Variants in GALNTL6 observed in about 807,000 individuals in gnomAD.
GALNTL6 encodes the protein polypeptide N-acetylgalactosaminyltransferase like 6.
In GALNTL6, 46 loss-of-function variants were observed where a neutral mutation model predicts 73.7. That is an observed-to-expected ratio of 0.62 (90% CI 0.49 to 0.80). The LOEUF (loss-of-function observed/expected upper bound fraction) is 0.80, where lower values mean the gene tolerates loss of function less well. Ranked by LOEUF, GALNTL6 falls within the 30% of genes least tolerant of loss-of-function variation. GALNTL6 has a pLI of 0.00. For missense variants in GALNTL6, 604 were observed against 755.0 expected (o/e 0.80, Z 2.34); for synonymous variants, 259 against 263.7 (o/e 0.98, Z 0.17).
At chr4:172,996,509 C>A (rs1751792053) in intron 10 of GALNTL6, among the ~76,000 whole-genome samples, 1 of 152,156 alleles carries the variant, frequency 6.6e-6, no homozygotes, top group African/African-American at 2.4e-5. Context: ...ACCTATATGA[C>A]AAACCTGCAC....
At chr4:172,468,769 G>A (rs1732933283) in intron 5 of GALNTL6, among the ~76,000 whole-genome samples, 1 of 152,176 alleles carries the variant, frequency 6.6e-6, no homozygotes, top group Non-Finnish European at 1.5e-5. Flanking sequence ...CATTGAGCGG[G>A]TGGGACTTAA....
At chr4:172,455,328 T>C (rs1732355288) in intron 5 of GALNTL6, among the ~76,000 whole-genome samples, 1 of 152,030 alleles carries the variant, frequency 6.6e-6, no homozygotes, top group South Asian at 2.1e-4. Context: ...TTGTCATACC[T>C]CAGTGGCGCC....
At chr4:172,383,008 T>C (rs781092913) in intron 5 of GALNTL6, among the ~76,000 whole-genome samples, 3 of 152,188 alleles carry the variant, frequency 2.0e-5, no homozygotes, top group Non-Finnish European at 2.9e-5. Context: ...TGTTCTTATG[T>C]AGTACACACT....
chr4:171,878,644 C>G (rs1485702035), intron 2 of GALNTL6, among the ~76,000 whole-genome samples: 2 of 151,922 alleles, frequency 1.3e-5, no homozygotes, highest in East Asian at 1.9e-4. Context: ...GCTTATGTCT[C>G]TAGTTGTTTT....
At chr4:171,905,053 A>G (rs1212512781) in intron 2 of GALNTL6, among the ~76,000 whole-genome samples, 1 of 152,220 alleles carries the variant, frequency 6.6e-6, no homozygotes, top group East Asian at 1.9e-4. Flanking sequence ...CCAAAATGTA[A>G]AGACCATCAA....
chr4:172,206,830 T>A, intron 2 of GALNTL6, among the ~76,000 whole-genome samples: 1 of 108,608 alleles, frequency 9.2e-6, no homozygotes, highest in Non-Finnish European at 1.9e-5. Context: ...TTTTTTTTTT[T>A]TTTTTGAGAC....
intron 5 of GALNTL6, among the ~76,000 whole-genome samples, chr4:172,454,889 A>AT (rs757122754): frequency 4.0e-5 from 6 of 151,696 alleles, no homozygotes; most frequent in East Asian, 1.9e-4. Flanking sequence ...TCATGCAGGC[A>AT]TTTTTTTTTA....
intron 10 of GALNTL6, among the ~76,000 whole-genome samples, chr4:172,976,926 A>C (rs964126901): frequency 6.6e-6 from 1 of 152,242 alleles, no homozygotes; most frequent in African/African-American, 2.4e-5. Flanking sequence ...AAACTAATAC[A>C]AGTGTCACAA....
intron 5 of GALNTL6, among the ~76,000 whole-genome samples, chr4:172,710,829 GA>G: frequency 6.6e-6 from 1 of 151,990 alleles, no homozygotes; most frequent in East Asian, 1.9e-4. Flanking sequence ...AGTGCTAGAA[GA>G]AAAAACAAGG....
chr4:173,005,419 C>T (rs974234582), intron 10 of GALNTL6, among the ~76,000 whole-genome samples: 2 of 152,006 alleles, frequency 1.3e-5, no homozygotes, highest in Non-Finnish European at 2.9e-5. Context: ...TATCCCGTGT[C>T]CTAAGTTTGG....
chr4:172,226,357 C>T (rs561501685), intron 2 of GALNTL6, among the ~76,000 whole-genome samples: 14 of 152,180 alleles, frequency 9.2e-5, no homozygotes, highest in Middle Eastern at 3.4e-3. Flanking sequence ...GCCAATATTC[C>T]GGTTAGATTA....
intron 2 of GALNTL6, among the ~76,000 whole-genome samples, chr4:172,185,252 G>C (rs1431031287): frequency 6.6e-6 from 1 of 152,108 alleles, no homozygotes; most frequent in East Asian, 1.9e-4. Flanking sequence ...AAAGACTTTT[G>C]TACATGAAAA....
At chr4:172,827,394 CA>C (rs779808599) in intron 7 of GALNTL6, among the ~76,000 whole-genome samples, 27 of 152,316 alleles carry the variant, frequency 1.8e-4, no homozygotes, top group African/African-American at 6.3e-4. Context: ...TCTGCCTAAC[CA>C]CACCATGCCA....
intron 2 of GALNTL6, among the ~76,000 whole-genome samples, chr4:171,875,941 C>G (rs1190713924): frequency 1.3e-5 from 2 of 151,388 alleles, no homozygotes; most frequent in Non-Finnish European, 2.9e-5. Flanking sequence ...AATGAATTAT[C>G]CAATAGAGGT....
chr4:173,036,824 C>G (rs1209294324), intron 12 of GALNTL6, among the ~76,000 whole-genome samples: 1 of 152,138 alleles, frequency 6.6e-6, no homozygotes, highest in Admixed American at 6.5e-5. Flanking sequence ...CCGAAACACT[C>G]AGAAGTCTAT....
At chr4:172,970,113 C>CA (rs1750507594) in intron 10 of GALNTL6, among the ~76,000 whole-genome samples, 1 of 151,522 alleles carries the variant, frequency 6.6e-6, no homozygotes, top group Non-Finnish European at 1.5e-5. Context: ...CTTCAAAGGG[C>CA]AAAAAAGGAG....
chr4:172,808,877 G>A (rs975013974), intron 5 of GALNTL6, among the ~76,000 whole-genome samples: 10 of 152,114 alleles, frequency 6.6e-5, no homozygotes. Context: ...ACTTCTGGGG[G>A]AAAAAATCTG....
intron 2 of GALNTL6, chr4:172,052,604 T>C (rs1730908128): frequency 2.0e-6 from 2 of 987,290 alleles, no homozygotes; most frequent in South Asian, 1.6e-5. Context: ...TGGACGCTTG[T>C]TGTTGAATCA....
chr4:172,436,193 T>C (rs1404993743), intron 5 of GALNTL6, among the ~76,000 whole-genome samples: 1 of 152,156 alleles, frequency 6.6e-6, no homozygotes, highest in Non-Finnish European at 1.5e-5. Flanking sequence ...AAGGCAAGCA[T>C]TATGAATTAG....
Sources: gnomAD v4.1 joint callset for allele counts (sites outside exome capture counted in the v4.1 genomes callset) on GRCh38, gnomAD v4.1.1 for gene constraint, MANE v1.5 for transcripts, NCBI Gene and HGNC (gene_info 2026-07-23, HGNC 2026-07-21) for gene names.